Variants in FAM13B observed in about 807,000 individuals in gnomAD.
The protein encoded by FAM13B is family with sequence similarity 13 member B, also known as protein FAM13B.
In FAM13B, 60 loss-of-function variants were observed where a neutral mutation model predicts 117.3. The ratio of observed to expected loss-of-function variants is 0.51; its 90% CI spans 0.42 to 0.63. FAM13B has a LOEUF of 0.63. Ranked by LOEUF, FAM13B falls within the 30% of genes least tolerant of loss-of-function variation. The pLI, the probability that FAM13B is intolerant of heterozygous loss-of-function variation, is 0.00. For synonymous variants in FAM13B, 332 were observed against 356.1 expected, an observed-to-expected ratio of 0.93 and a Z score of 0.76; for missense variants, 972 against 1,091.9, an observed-to-expected ratio of 0.89 and a Z score of 1.55.
intron 7 of FAM13B, among the ~76,000 whole-genome samples, chr5:137,999,505 G>A (rs1463786985): frequency 6.6e-6 from 1 of 151,498 alleles, no homozygotes; most frequent in Non-Finnish European, 1.5e-5. Context: ...GAACCCAGGA[G>A]GCGGAGGCTG....
In FAM13B at chr5:137,985,251, C is replaced by G. The variant is rs1225137021; in HGVS notation, c.1179+6G>C. The stretch of plus-strand genomic sequence containing the variant: ...ACATCTAACACATATTTTTGACATT[C>G]CTTACCTGGGTATTTTCTTCATTCT... On this transcript the variant is annotated splice_donor_region_variant and intron_variant, in intron 10 of 23. Coordinates refer to ENST00000689681, the MANE Select transcript of FAM13B (RefSeq NM_001385994.1). 5 of 1,611,668 alleles carry G rather than the reference C, an allele frequency of 3.1e-6. No individual in the cohort carries two copies. The East Asian group carries it at 1.1e-4, about 36-fold the overall frequency.
chr5:138,015,907 A>C (rs1274841096), intron 4 of FAM13B, among the ~76,000 whole-genome samples: 1 of 152,256 alleles, frequency 6.6e-6, no homozygotes, highest in Non-Finnish European at 1.5e-5. Flanking sequence ...ACATACATAC[A>C]CATGCTAATG....
chr5:137,956,729 A>G (rs975760980), intron 13 of FAM13B, among the ~76,000 whole-genome samples, 187 bp from the exon 14 acceptor site: 1 of 147,686 alleles, frequency 6.8e-6, no homozygotes, highest in Non-Finnish European at 1.5e-5. Flanking sequence ...CAAACATAAC[A>G]TTTCCATTTC....
At chr5:137,977,166 T>C (rs1221407443) in intron 10 of FAM13B, among the ~76,000 whole-genome samples, 2 of 152,170 alleles carry the variant, frequency 1.3e-5, no homozygotes, top group Non-Finnish European at 2.9e-5. Flanking sequence ...CAGTCTCCCA[T>C]AGCGCTCCCA....
intron 3 of FAM13B, 103 bp downstream of exon 3, chr5:138,018,852 G>T: frequency 1.1e-6 from 1 of 888,462 alleles, no homozygotes; most frequent in Non-Finnish European, 1.7e-6. Flanking sequence ...CCTATGTTTT[G>T]GACTTTCCAT....
intron 20 of FAM13B, among the ~76,000 whole-genome samples, chr5:137,944,628 G>A (rs1401301925): frequency 6.6e-6 from 1 of 151,874 alleles, no homozygotes; most frequent in Non-Finnish European, 1.5e-5. Context: ...GTGTGGTGGT[G>A]GGTGCCTGTA....
chr5:137,953,201 T>A (rs1314586168), intron 16 of FAM13B, 135 bp downstream of exon 16: 3 of 938,880 alleles, frequency 3.2e-6, no homozygotes, highest in Non-Finnish European at 4.8e-6. Flanking sequence ...ATCTCAGATC[T>A]ACATGATCAC....
intron 13 of FAM13B, among the ~76,000 whole-genome samples, chr5:137,958,322 A>G (rs1406801047): frequency 2.0e-5 from 3 of 152,228 alleles, no homozygotes; most frequent in South Asian, 2.1e-4. Context: ...GTTAAAACAG[A>G]TAATATGCCA....
chr5:138,006,656 G>A (rs569379228), intron 7 of FAM13B, among the ~76,000 whole-genome samples: 6 of 152,176 alleles, frequency 3.9e-5, no homozygotes, highest in Non-Finnish European at 8.8e-5. Flanking sequence ...GCCTGGAAAC[G>A]GGATATACAA....
intron 10 of FAM13B, among the ~76,000 whole-genome samples, chr5:137,984,669 A>C (rs1338123268): frequency 6.6e-6 from 1 of 152,196 alleles, no homozygotes; most frequent in Non-Finnish European, 1.5e-5. Context: ...CCTAAGAAAT[A>C]CGGAAGCTGT....
At chr5:137,980,139 C>T (rs1197510808) in intron 10 of FAM13B, among the ~76,000 whole-genome samples, 3 of 150,678 alleles carry the variant, frequency 2.0e-5, no homozygotes, top group African/African-American at 7.3e-5. Flanking sequence ...CACGACTGCA[C>T]TCTAGCCGGG....
At chr5:137,966,488 T>TATATAGAGAGAGAGAG (rs1461425784) in intron 10 of FAM13B, among the ~76,000 whole-genome samples, 22 of 29,472 alleles carry the variant, frequency 7.5e-4, no homozygotes, top group Non-Finnish European at 1.0e-3. Context: ...TATATATATA[T>TATATAGAGAGAGAGAG]AGAGAGAGAG....
At chr5:138,002,092 AATAAT>A (rs1366144605) in intron 7 of FAM13B, among the ~76,000 whole-genome samples, 2 of 152,208 alleles carry the variant, frequency 1.3e-5, no homozygotes, top group African/African-American at 2.4e-5. Flanking sequence ...TTCAGAGAAA[AATAAT>A]ATAATAAATG....
chr5:137,952,397 TAAA>T (rs1765280279), intron 17 of FAM13B, among the ~76,000 whole-genome samples: 1 of 152,040 alleles, frequency 6.6e-6, no homozygotes, highest in South Asian at 2.1e-4. Context: ...ATATTACTAA[TAAA>T]AACACAAAAA....
chr5:138,016,373 G>C (rs1011885326), intron 4 of FAM13B, among the ~76,000 whole-genome samples: 3 of 152,166 alleles, frequency 2.0e-5, no homozygotes, highest in African/African-American at 7.2e-5. Flanking sequence ...TTGGGAAACT[G>C]AGACAGTTTG....
intron 1 of FAM13B, among the ~76,000 whole-genome samples, chr5:138,050,501 G>T (rs1404914478): frequency 6.6e-6 from 1 of 152,156 alleles, no homozygotes; most frequent in Non-Finnish European, 1.5e-5. Flanking sequence ...CTGAAAGGAA[G>T]CAAAGAGGCA....
chr5:137,969,754 G>C (rs1771430630), intron 10 of FAM13B, among the ~76,000 whole-genome samples: 1 of 152,038 alleles, frequency 6.6e-6, no homozygotes, highest in Non-Finnish European at 1.5e-5. Flanking sequence ...CCAATACAGA[G>C]AAGTGCTTAA....
chr5:137,976,341 C>T (rs1773987666), intron 10 of FAM13B, among the ~76,000 whole-genome samples: 1 of 152,158 alleles, frequency 6.6e-6, no homozygotes, highest in Non-Finnish European at 1.5e-5. Context: ...GATATTCATT[C>T]TCAACCATGA....
At chr5:138,032,610 G>A (rs540848663) in intron 1 of FAM13B, among the ~76,000 whole-genome samples, 172 bp downstream of exon 1, 123 of 152,336 alleles carry the variant, frequency 8.1e-4, no homozygotes, top group Non-Finnish European at 1.4e-3. Context: ...CCAGCGGAAA[G>A]GGGGCCCTCT....
Sources: gnomAD v4.1 joint callset for allele counts (sites outside exome capture counted in the v4.1 genomes callset) on GRCh38, gnomAD v4.1.1 for gene constraint, MANE v1.5 for transcripts, NCBI Gene and HGNC (gene_info 2026-07-23, HGNC 2026-07-21) for gene names.